ARRB1: variants seen among roughly 807,000 people sequenced by gnomAD.
The protein encoded by ARRB1 is arrestin beta 1.
In ARRB1, 21 loss-of-function variants were observed where a neutral mutation model predicts 56.8. The observed-to-expected ratio is 0.37, with a 90% CI of 0.26 to 0.53. The LOEUF (loss-of-function observed/expected upper bound fraction) is 0.53, where lower values mean the gene tolerates loss of function less well. ARRB1 is among the 20% of genes least tolerant of loss of function. The pLI is 0.88. For missense variants in ARRB1, 424 were observed against 553.7 expected, an observed-to-expected ratio of 0.77 and a Z score of 2.35; for synonymous variants, 210 against 218.6, an observed-to-expected ratio of 0.96 and a Z score of 0.35.
chr11:75,295,007 T>C (rs942147959), intron 1 of ARRB1, among the ~76,000 whole-genome samples: 7 of 152,064 alleles, frequency 4.6e-5, no homozygotes, highest in Non-Finnish European at 1.5e-5. Flanking sequence ...GAGGATCACT[T>C]GAGTTCAGGA....
At chr11:75,315,306 A>T (rs1047700081) in intron 1 of ARRB1, among the ~76,000 whole-genome samples, 10 of 152,076 alleles carry the variant, frequency 6.6e-5, no homozygotes, top group Non-Finnish European at 1.3e-4. Context: ...GCCAGACAGA[A>T]GCCACCTAAC....
chr11:75,328,768 G>A (rs1947477115), intron 1 of ARRB1, among the ~76,000 whole-genome samples: 1 of 152,244 alleles, frequency 6.6e-6, no homozygotes, highest in East Asian at 1.9e-4. Context: ...CCAGGATCCA[G>A]GGCCAGGGGC....
chr11:75,344,990 G>A (rs1335431071), intron 1 of ARRB1, among the ~76,000 whole-genome samples: 2 of 152,168 alleles, frequency 1.3e-5, no homozygotes, highest in Non-Finnish European at 2.9e-5. Flanking sequence ...CCGCTGACTC[G>A]ACATCAGTCA....
chr11:75,267,026 A>G (rs935566670), intron 15 of ARRB1, among the ~76,000 whole-genome samples: 1 of 152,052 alleles, frequency 6.6e-6, no homozygotes, highest in Non-Finnish European at 1.5e-5. Context: ...CCCCTGCCCA[A>G]CAGGGTTCAG....
At chr11:75,337,384 G>GA (rs984554100) in intron 1 of ARRB1, among the ~76,000 whole-genome samples, 4 of 151,266 alleles carry the variant, frequency 2.6e-5, no homozygotes, top group African/African-American at 7.3e-5. Flanking sequence ...AACAGAAAAG[G>GA]AAAAAAAAAG....
At chr11:75,301,261 A>G (rs1390893303) in intron 1 of ARRB1, among the ~76,000 whole-genome samples, 2 of 152,178 alleles carry the variant, frequency 1.3e-5, no homozygotes, top group Non-Finnish European at 2.9e-5. Flanking sequence ...AACTGAATCC[A>G]CCAGGTGCTC....
At chr11:75,306,752 G>A (rs1947041850) in intron 1 of ARRB1, 5 of 1,068,006 alleles carry the variant, frequency 4.7e-6, no homozygotes, top group African/African-American at 1.7e-5. Context: ...AGGAAAAGGC[G>A]TTCCTGATAC....
intron 1 of ARRB1, among the ~76,000 whole-genome samples, chr11:75,301,899 G>T (rs924157716): frequency 6.6e-6 from 1 of 152,170 alleles, no homozygotes; most frequent in Non-Finnish European, 1.5e-5. Context: ...GGGGAAGGAG[G>T]CAGGAAGGCA....
chr11:75,326,403 C>T (rs1471568799), intron 1 of ARRB1, among the ~76,000 whole-genome samples: 3 of 152,236 alleles, frequency 2.0e-5, no homozygotes, highest in African/African-American at 7.2e-5. Flanking sequence ...CAAATATTAA[C>T]TCATTTAATC....
At position 75,283,415 on chromosome 11, in the gene ARRB1, G is replaced by A. The variant is rs760297585; in HGVS notation, c.226C>T (p.Arg76Cys). Reference sequence around the variant, plus strand: ...ACGTTGGCCACAAACAGGTCCTTGCGAAAGGTCAGGCCCAGGACATCCAGG... The same window carrying A: ...ACGTTGGCCACAAACAGGTCCTTGCAAAAGGTCAGGCCCAGGACATCCAGG... Reference protein sequence around the residue: ...EDLDVLGLTFRKDLFVANVQS... With the variant: ...EDLDVLGLTFCKDLFVANVQS... The change falls in exon 5 of 16, where the codon CGC becomes TGC. Residue 76 changes from arginine to cysteine, a missense_variant. Coordinates refer to ENST00000420843, the MANE Select transcript of ARRB1 (RefSeq NM_004041.5). 6.2e-7 allele frequency: 1 copy of A among 1,614,162 alleles called. No individual in the cohort carries two copies. Among genetic ancestry groups the A allele is most frequent in the East Asian group, 2.2e-5 (1 of 44,880 alleles).
chr11:75,309,743 T>C (rs1448551230), intron 1 of ARRB1, among the ~76,000 whole-genome samples: 3 of 152,162 alleles, frequency 2.0e-5, no homozygotes, highest in Admixed American at 6.5e-5. Context: ...GGCTGAATTA[T>C]TGAGCATTTT....
intron 1 of ARRB1, 36 bp from the exon 2 acceptor site, chr11:75,290,075 G>T: frequency 6.2e-7 from 1 of 1,613,566 alleles, no homozygotes; most frequent in Non-Finnish European, 8.5e-7. Context: ...CAGGGTTCGC[G>T]TATCCTGCCC....
intron 1 of ARRB1, among the ~76,000 whole-genome samples, chr11:75,301,058 C>T (rs1202478443): frequency 6.7e-6 from 1 of 149,734 alleles, no homozygotes; most frequent in African/African-American, 2.5e-5. Context: ...ACAGGAGAAT[C>T]GCTTGAACCC....
In ARRB1 at chr11:75,303,729, G is replaced by A. The variant is rs553834648; in HGVS notation, c.21-13690C>T. ...AGTGGGAGGGTGGGAGGAGGTGCAT[G>A]TGTGATGTGCCCAGTTCCGTTCCAG... On this transcript the variant is annotated intron_variant, in intron 1 of 15. Transcript: ENST00000420843. The A allele has an allele frequency of 2.8e-4, 126 of 455,968 alleles. 2 individuals are homozygous for A. Among genetic ancestry groups the A allele is most frequent in the African/African-American group, 1.7e-3 (86 of 50,182 alleles). 28.2% of individuals were successfully genotyped at this position (455,968 alleles called of 1,614,324 possible).
intron 1 of ARRB1, among the ~76,000 whole-genome samples, chr11:75,315,926 T>C (rs547941553): frequency 1.4e-4 from 22 of 152,264 alleles, no homozygotes; most frequent in Non-Finnish European, 3.1e-4. Flanking sequence ...CCCTACTCTA[T>C]GATATAGCTG....
rs75644954 is a variant in ARRB1, at chr11:75,281,104, C to T, written c.453G>A (p.Ala151=). ...GVDYEVKAFC[A]ENLEEKIHKR... is the part of the protein sequence containing the mutation. The stretch of plus-strand genomic sequence containing the variant: ...TGTGGATCTTCTCCTCCAAATTCTC[C>T]GCGCAGAAGGCTTTGACTTCATAGT... Residue 151 remains alanine (A), a synonymous_variant, in exon 7 of 16, where the codon GCG becomes GCA. Coordinates refer to ENST00000420843, the MANE Select transcript of ARRB1 (RefSeq NM_004041.5). 1,745 of 1,603,398 alleles carry T rather than the reference C, an allele frequency of 1.1e-3. 5 individuals are homozygous for T. In the African/African-American group the frequency reaches 0.012, roughly 11 times the overall value.
chr11:75,290,188 A>G (rs1222002748), intron 1 of ARRB1, 149 bp from the exon 2 acceptor site: 2 of 885,690 alleles, frequency 2.3e-6, no homozygotes, highest in Middle Eastern at 6.6e-4. Context: ...TGCCCATGTA[A>G]TCCGCTCTTA....
chr11:75,321,272 C>T (rs28687723), intron 1 of ARRB1, among the ~76,000 whole-genome samples: 4 of 146,218 alleles, frequency 2.7e-5, no homozygotes, highest in Non-Finnish European at 6.0e-5. Context: ...CTCACCCCCC[C>T]CCACCACCAT....
At chr11:75,296,185 CAAA>C (rs11428462) in intron 1 of ARRB1, among the ~76,000 whole-genome samples, 10 of 84,866 alleles carry the variant, frequency 1.2e-4, no homozygotes, top group African/African-American at 3.4e-4. Flanking sequence ...GACTTTGTCT[CAAA>C]AAAAAAAAAA....
Sources: allele counts gnomAD v4.1 joint callset (sites outside exome capture counted in the v4.1 genomes callset), GRCh38; gene constraint gnomAD v4.1.1; transcripts MANE v1.5; gene names NCBI Gene and HGNC (gene_info 2026-07-23, HGNC 2026-07-21).